Variants in GFPT1 observed in about 807,000 individuals in gnomAD.
GFPT1 encodes glutamine--fructose-6-phosphate transaminase 1.
GFPT1 carries 40 observed loss-of-function variants against 92.0 expected under a neutral mutation model. The observed-to-expected ratio is 0.43, with a 90% CI of 0.34 to 0.57. The LOEUF (loss-of-function observed/expected upper bound fraction) is 0.57, where lower values mean the gene tolerates loss of function less well. GFPT1 is among the 20% of genes least tolerant of loss of function. The pLI is 0.02. For missense variants in GFPT1, 448 were observed against 869.1 expected (o/e 0.52, Z 6.09); for synonymous variants, 269 against 280.6 (o/e 0.96, Z 0.41).
In GFPT1 at chr2:69,357,790, C is replaced by T. The variant is rs79155052; in HGVS notation, c.543+539G>A. On this transcript the variant is annotated intron_variant, in intron 6 of 19. Transcript: ENST00000357308. ...ATGTTGGATGGAATCAAAAAGAATA[C>T]TGATTTTCTCATGGGCTTGGAAATG... 6.1e-3 allele frequency among the ~76,000 whole-genome samples: 931 copies of T among 152,292 alleles called. 11 individuals carry two copies. The highest frequency in any genetic ancestry group is 0.02 in the African/African-American group (831 of 41,554).
At chr2:69,338,620 G>A (rs202167566) in intron 13 of GFPT1, 55 bp from the exon 14 acceptor site, 15 of 1,579,094 alleles carry the variant, frequency 9.5e-6, no homozygotes, top group African/African-American at 4.0e-5. Flanking sequence ...CTCTTTCATC[G>A]GACTTCTTTG....
intron 13 of GFPT1, among the ~76,000 whole-genome samples, chr2:69,340,139 ACTTTT>A (rs777009053): frequency 0.14 from 17,952 of 123,976 alleles, 1,118 homozygotes; most frequent in Non-Finnish European, 0.16. Context: ...AGTTGGGGCA[ACTTTT>A]TTTTTTTTTT....
chr2:69,345,240 T>C (rs1336587258), intron 12 of GFPT1, among the ~76,000 whole-genome samples: 2 of 151,860 alleles, frequency 1.3e-5, no homozygotes, highest in African/African-American at 4.8e-5. Flanking sequence ...TGGGCAACAA[T>C]AGCAAAACTC....
rs1672146034 is a variant in GFPT1 at position 69,387,039 on chromosome 2, A to G, written c.7+26T>C. 3 of 1,515,202 alleles carry G rather than the reference A, an allele frequency of 2.0e-6. No individual in the cohort carries two copies. The African/African-American group carries it at 4.2e-5, about 21-fold the overall frequency. 93.9% of individuals were successfully genotyped at this position (1,515,202 alleles called of 1,614,324 possible). Reference sequence around the variant, plus strand: ...CCGCACCCCAGCGCCACCCGGCAACACGCCCCCCGCTCCCGGCCCCCTTAC... The same window carrying G: ...CCGCACCCCAGCGCCACCCGGCAACGCGCCCCCCGCTCCCGGCCCCCTTAC... On this transcript the variant is annotated intron_variant, in intron 1 of 19. Coordinates refer to ENST00000357308, the MANE Select transcript of GFPT1 (RefSeq NM_001244710.2).
In GFPT1 at chr2:69,322,989, AAAG is replaced by A. The variant is rs1670450206; in HGVS notation, c.*3197_*3199del. 1 of 152,238 alleles carries A rather than the reference AAAG, an allele frequency of 6.6e-6. No individual in the cohort carries two copies. Among genetic ancestry groups the A allele is most frequent in the Non-Finnish European group, 1.5e-5 (1 of 68,046 alleles). The allele number at this position is 152,238 out of a possible 1,614,324, so 9.4% of individuals were successfully genotyped here. ...TCCATCTGGGGACAAATACTGCTTT[AAAG>A]ATGATGTAATTTTCAATGCCAACCA... is the stretch of plus-strand genomic sequence containing the variant. On this transcript the variant is annotated 3_prime_UTR_variant, in exon 20 of 20. Coordinates refer to ENST00000357308, the MANE Select transcript of GFPT1 (RefSeq NM_001244710.2).
intron 15 of GFPT1, among the ~76,000 whole-genome samples, 199 bp from the exon 16 acceptor site, chr2:69,329,997 C>T (rs576116186): frequency 2.0e-5 from 3 of 152,184 alleles, no homozygotes; most frequent in East Asian, 3.9e-4. Flanking sequence ...GCAGGGGGAT[C>T]GCTTGAGCTT....
intron 1 of GFPT1, among the ~76,000 whole-genome samples, chr2:69,376,190 C>T (rs969737760): frequency 2.0e-5 from 3 of 152,218 alleles, no homozygotes; most frequent in South Asian, 2.1e-4. Context: ...ATACACAGCA[C>T]ACAAATCTTT....
intron 2 of GFPT1, among the ~76,000 whole-genome samples, chr2:69,373,322 A>C (rs561908428): frequency 5.3e-5 from 8 of 152,294 alleles, no homozygotes; most frequent in African/African-American, 1.7e-4. Context: ...TGTGTAATTT[A>C]TTTAAGATAG....
At chr2:69,332,630 T>C (rs1300779665) in intron 15 of GFPT1, among the ~76,000 whole-genome samples, 1 of 152,024 alleles carries the variant, frequency 6.6e-6, no homozygotes, top group African/African-American at 2.4e-5. Flanking sequence ...TTAATGGTAG[T>C]TCTGATTTTT....
Position 69,338,640 on chromosome 2 carries a change from T to C in GFPT1, c.1204-75A>G. On this transcript the variant is annotated intron_variant, in intron 13 of 19. Coordinates refer to ENST00000357308, the MANE Select transcript of GFPT1 (RefSeq NM_001244710.2). Reference sequence around the variant, plus strand: ...TCATCGGACTTCTTTGGATTCAATGTATAGTTTTTGCTTTTTCTGATTACA... The same window carrying C: ...TCATCGGACTTCTTTGGATTCAATGCATAGTTTTTGCTTTTTCTGATTACA... 7 of 1,493,328 alleles carry C rather than the reference T, an allele frequency of 4.7e-6. 1 individual carries two copies. The South Asian group carries it at 5.7e-5, about 12-fold the overall frequency. 92.5% of individuals were successfully genotyped at this position (1,493,328 alleles called of 1,614,324 possible).
intron 1 of GFPT1, among the ~76,000 whole-genome samples, chr2:69,379,877 G>A (rs1197429541): frequency 1.3e-5 from 2 of 151,666 alleles, no homozygotes; most frequent in South Asian, 2.1e-4. Context: ...AAGCTACCAC[G>A]CCCAGTTATT....
At position 69,342,257 on chromosome 2, in the gene GFPT1, A is replaced by T. The variant is rs775351199; in HGVS notation, c.1106-8T>A. Reference sequence around the variant, plus strand: ...TCAAACCACCCAAATTCACTGAAATAAAAGTTTGTGTACATAATTATTTAG... The same window carrying T: ...TCAAACCACCCAAATTCACTGAAATTAAAGTTTGTGTACATAATTATTTAG... On this transcript the variant is annotated splice_polypyrimidine_tract_variant and splice_region_variant and intron_variant, in intron 12 of 19. Coordinates refer to ENST00000357308, the MANE Select transcript of GFPT1 (RefSeq NM_001244710.2). The T allele has an allele frequency of 6.4e-7, 1 of 1,553,002 alleles. No homozygotes were observed. The highest frequency in any genetic ancestry group is 2.2e-5 in the East Asian group (1 of 44,486).
At chr2:69,348,360 C>T in intron 10 of GFPT1, 26 bp from the exon 11 acceptor site, 2 of 1,536,980 alleles carry the variant, frequency 1.3e-6, no homozygotes, top group Non-Finnish European at 1.8e-6. Flanking sequence ...GGAGATATTA[C>T]AATCGATAAC....
intron 12 of GFPT1, 96 bp from the exon 13 acceptor site, chr2:69,342,345 A>C: frequency 2.6e-6 from 2 of 783,306 alleles, no homozygotes; most frequent in Non-Finnish European, 4.6e-6. Context: ...ATGAGGAAGA[A>C]TACTGCTGTT....
rs548526173 is a variant in GFPT1, at chr2:69,371,691, G to T, written c.116-1583C>A. 5.0e-3 allele frequency among the ~76,000 whole-genome samples: 736 copies of T among 145,780 alleles called. 8 individuals are homozygous for T. Among genetic ancestry groups the T allele is most frequent in the African/African-American group, 0.017 (669 of 39,684 alleles). On this transcript the variant is annotated intron_variant, in intron 2 of 19. Transcript: ENST00000357308. ...TCTCTACTAAAAATACAAAAAATTA[G>T]CCGGGCGTGGTGGCGGGTGCCTGTT...
In GFPT1 at chr2:69,321,888, A is replaced by T. The variant is rs181971358; in HGVS notation, c.*4301T>A. On this transcript the variant is annotated 3_prime_UTR_variant, in exon 20 of 20. Transcript: ENST00000357308. ...TTTGATGTCAAGTTATTACAGACTT[A>T]AAAGTTAATATAGCATAATTTTACA... 32 of 152,330 alleles carry T rather than the reference A, an allele frequency of 2.1e-4. No homozygotes were observed. The highest frequency in any genetic ancestry group is 7.5e-4 in the African/African-American group (31 of 41,586). 9.4% of individuals were successfully genotyped at this position (152,330 alleles called of 1,614,324 possible). A position where few individuals can be genotyped will look rare whatever the true frequency, so the allele number is the denominator to read the frequency against.
At chr2:69,334,088 G>A (rs770402081) in intron 15 of GFPT1, among the ~76,000 whole-genome samples, 60 of 152,188 alleles carry the variant, frequency 3.9e-4, no homozygotes, top group African/African-American at 1.4e-3. Flanking sequence ...ACCGGAGGGC[G>A]GAAGTTACAG....
intron 17 of GFPT1, 64 bp from the exon 18 acceptor site, chr2:69,328,502 T>C: frequency 8.3e-7 from 1 of 1,208,242 alleles, no homozygotes; most frequent in South Asian, 1.2e-5. Context: ...TAAGTAAATA[T>C]TATAAAAAGC....
rs1670415859 is a variant in GFPT1, at chr2:69,322,160, A to G, written c.*4029T>C. The stretch of plus-strand genomic sequence containing the variant: ...TAATCTGAAACCTGTTTCCATGGGT[A>G]AAACACTCTGCCTGGTATTCTTGTA... On this transcript the variant is annotated 3_prime_UTR_variant, in exon 20 of 20. Transcript: ENST00000357308. 1 of 152,214 alleles carries G rather than the reference A, an allele frequency of 6.6e-6. No homozygotes were observed. The highest frequency in any genetic ancestry group is 6.5e-5 in the Admixed American group (1 of 15,282). 9.4% of individuals were successfully genotyped at this position (152,214 alleles called of 1,614,324 possible).
Sources: allele counts gnomAD v4.1 joint callset (sites outside exome capture counted in the v4.1 genomes callset), GRCh38; gene constraint gnomAD v4.1.1; transcripts MANE v1.5; gene names NCBI Gene and HGNC (gene_info 2026-07-23, HGNC 2026-07-21).